SECISBP2: variants seen among roughly 807,000 people sequenced by gnomAD.
SECISBP2 encodes the protein SECIS binding protein 2.
A neutral mutation model predicts 98.2 loss-of-function variants in SECISBP2; 96 were observed. That is an observed-to-expected ratio of 0.98 (90% CI 0.83 to 1.16). SECISBP2 has a LOEUF of 1.16. Ranked by LOEUF, SECISBP2 falls within the 50% of genes most tolerant of loss-of-function variation. SECISBP2 has a pLI of 0.00. For missense variants in SECISBP2, 1,046 were observed against 1,022.9 expected (o/e 1.02, Z -0.31); for synonymous variants, 407 against 370.2 (o/e 1.10, Z -1.14).
At chr9:89,333,692 T>TA (rs1188670203) in intron 6 of SECISBP2, among the ~76,000 whole-genome samples, 2 of 152,206 alleles carry the variant, frequency 1.3e-5, no homozygotes, top group African/African-American at 4.8e-5. Context: ...TGCCACACTG[T>TA]AAGGACTGCT....
chr9:89,329,934 C>T (rs556800980), intron 5 of SECISBP2: 228 of 152,276 alleles, frequency 1.5e-3, no homozygotes, highest in African/African-American at 5.2e-3. Flanking sequence ...AATTGAAATA[C>T]ATTAAGTCCT....
intron 14 of SECISBP2, among the ~76,000 whole-genome samples, chr9:89,354,608 GT>G (rs1276743898): frequency 6.6e-6 from 1 of 152,206 alleles, no homozygotes; most frequent in Non-Finnish European, 1.5e-5. Context: ...AAACCACAGT[GT>G]TTGCACACCA....
rs752912689 is a variant in SECISBP2 at position 89,328,906 on chromosome 9, CTT to C, written c.801+24_801+25del. Reference sequence around the variant, plus strand: ...TCAAAGGTGAGGTGAGGGTTTCTCTCTTTTTCTTTTTCCTTTGTACACTTTAA... The same window carrying C: ...TCAAAGGTGAGGTGAGGGTTTCTCTCTTTCTTTTTCCTTTGTACACTTTAA... On this transcript the variant is annotated intron_variant, in intron 5 of 16. Transcript: ENST00000375807. 5 of 1,566,670 alleles carry C rather than the reference CTT, an allele frequency of 3.2e-6. No individual in the cohort carries two copies. The highest frequency in any genetic ancestry group is 3.4e-5 in the Admixed American group (2 of 59,106).
At chr9:89,334,428 T>G (rs1261490741) in intron 6 of SECISBP2, 94 bp from the exon 7 acceptor site, 1 of 1,018,570 alleles carries the variant, frequency 9.8e-7, no homozygotes, top group Admixed American at 1.8e-5. Flanking sequence ...AATGATGCTC[T>G]GAGCAGTTAC....
intron 16 of SECISBP2, 114 bp downstream of exon 16, chr9:89,358,305 G>A: frequency 9.2e-7 from 1 of 1,091,626 alleles, no homozygotes; most frequent in East Asian, 2.6e-5. Flanking sequence ...TGAGTAGCAG[G>A]GCCTGGTAAG....
At chr9:89,352,994 C>T in intron 14 of SECISBP2, among the ~76,000 whole-genome samples, 1 of 138,930 alleles carries the variant, frequency 7.2e-6, no homozygotes, top group East Asian at 1.9e-4. Context: ...CACAGATGTC[C>T]TCTGTGTCCT....
intron 14 of SECISBP2, among the ~76,000 whole-genome samples, chr9:89,353,148 A>G (rs1208671863): frequency 6.6e-6 from 1 of 152,190 alleles, no homozygotes; most frequent in East Asian, 1.9e-4. Context: ...GGCTGGGGAA[A>G]ACACAGATTC....
intron 5 of SECISBP2, among the ~76,000 whole-genome samples, chr9:89,331,444 T>G (rs1161689874): frequency 1.3e-5 from 2 of 152,262 alleles, no homozygotes; most frequent in African/African-American, 2.4e-5. Flanking sequence ...GACAAATGGA[T>G]AAATTTGTGA....
At chr9:89,337,532 T>G (rs961569601) in intron 7 of SECISBP2, among the ~76,000 whole-genome samples, 1 of 152,144 alleles carries the variant, frequency 6.6e-6, no homozygotes, top group Non-Finnish European at 1.5e-5. Flanking sequence ...TTTCTCTGTT[T>G]TTTTGTTTTG....
At position 89,339,870 on chromosome 9, in the gene SECISBP2, G is replaced by T; in HGVS notation, c.1219G>T (p.Glu407Ter). The change falls in exon 9 of 17, where the codon GAG becomes TAG. Residue 407 changes from glutamate to a stop codon, truncating the protein, a stop_gained. Coordinates refer to ENST00000375807, the MANE Select transcript of SECISBP2 (RefSeq NM_024077.5). LOFTEE classifies it high-confidence loss of function. The stretch of plus-strand genomic sequence containing the variant: ...GGGTGTGTGGTTTACTTAGGATGCC[G>T]AGGAATTTCCCAACCTGGCAGTTGC... ...VQEPPRIEDA[E>*]EFPNLAVASE... 8 of 1,613,016 alleles carry T rather than the reference G, an allele frequency of 5.0e-6. No individual in the cohort carries two copies. Among genetic ancestry groups the T allele is most frequent in the Non-Finnish European group, 6.8e-6 (8 of 1,179,142 alleles).
rs559383797 is a variant in SECISBP2 at position 89,355,147 on chromosome 9, A to G, written c.2114-2264A>G. On this transcript the variant is annotated intron_variant, in intron 14 of 16. Coordinates refer to ENST00000375807, the MANE Select transcript of SECISBP2 (RefSeq NM_024077.5). ...GAGTTCCCAGTTTCCACAGTATGGT[A>G]GGACGTGCATTGGAGAAGTTCTTCT... 1.3e-5 allele frequency: 13 copies of G among 985,462 alleles called. No homozygotes were observed. In the South Asian group the frequency reaches 6.1e-4, roughly 46 times the overall value. The allele number at this position is 985,462 out of a possible 1,614,324, so 61.0% of individuals were successfully genotyped here.
In SECISBP2 at chr9:89,357,442, T is replaced by G. The variant is rs1423268293; in HGVS notation, c.2145T>G (p.Ile715Met). 1.1e-5 allele frequency: 17 copies of G among 1,614,066 alleles called. No homozygotes were observed. The highest frequency in any genetic ancestry group is 1.4e-5 in the Non-Finnish European group (17 of 1,180,052). The change falls in exon 15 of 17, where the codon ATT (isoleucine) becomes ATG (methionine). Residue 715 changes from isoleucine to methionine, a missense_variant. Physicochemically the swap from Ile to Met is conservative, Grantham distance 10. Coordinates refer to ENST00000375807, the MANE Select transcript of SECISBP2 (RefSeq NM_024077.5). ...TGGATGACACTTTGCACACAATTAT[T>G]GATTATGCCTGTGAGCAGAACATTC... ...GGLDDTLHTI[I>M]DYACEQNIPF...
chr9:89,322,729 G>A (rs1312701140), intron 2 of SECISBP2: 1 of 152,220 alleles, frequency 6.6e-6, no homozygotes, highest in African/African-American at 2.4e-5. Context: ...TGGCTCGGTG[G>A]GTGGAGGAGA....
chr9:89,342,987 T>C (rs551429196), intron 10 of SECISBP2, among the ~76,000 whole-genome samples: 1 of 152,370 alleles, frequency 6.6e-6, no homozygotes, highest in South Asian at 2.1e-4. Flanking sequence ...ATTGATCTTA[T>C]TAAAAGATGA....
intron 3 of SECISBP2, 52 bp from the exon 4 acceptor site, chr9:89,325,845 C>G: frequency 3.7e-6 from 6 of 1,610,868 alleles, no homozygotes; most frequent in Middle Eastern, 1.8e-4. Flanking sequence ...TGCTTTAAAC[C>G]TTTTTTATAG....
intron 14 of SECISBP2, among the ~76,000 whole-genome samples, chr9:89,354,225 G>A (rs1831717466): frequency 1.3e-5 from 2 of 152,184 alleles, no homozygotes; most frequent in African/African-American, 4.8e-5. Flanking sequence ...TGCTTGTATT[G>A]GGTGTTCCCA....
intron 14 of SECISBP2, among the ~76,000 whole-genome samples, chr9:89,353,052 C>T (rs1250200345): frequency 6.6e-6 from 1 of 152,080 alleles, no homozygotes; most frequent in Non-Finnish European, 1.5e-5. Flanking sequence ...ACTGGAAATC[C>T]GGGTGTGTGG....
intron 5 of SECISBP2, among the ~76,000 whole-genome samples, chr9:89,331,331 T>G (rs1827720276): frequency 6.6e-6 from 1 of 152,244 alleles, no homozygotes; most frequent in South Asian, 2.1e-4. Flanking sequence ...GGTAAGCTAT[T>G]TCTAATTTTT....
Position 89,319,062 on chromosome 9 carries a change from G to A in SECISBP2, c.36+450G>A, listed in dbSNP as rs1399462108. 17 of 1,007,986 alleles carry A rather than the reference G, an allele frequency of 1.7e-5. No homozygotes were observed. In the South Asian group the frequency reaches 6.4e-4, roughly 38 times the overall value. The allele number at this position is 1,007,986 out of a possible 1,614,324, so 62.4% of individuals were successfully genotyped here. A position where few individuals can be genotyped will look rare whatever the true frequency, so the allele number is the denominator to read the frequency against. On this transcript the variant is annotated intron_variant, in intron 1 of 16. Coordinates refer to ENST00000375807, the MANE Select transcript of SECISBP2 (RefSeq NM_024077.5). ...CATTTTTAGACCCATAAAATTCTCG[G>A]TGAAAGTAAATCTCTTACTACGTCA...
Sources: allele counts gnomAD v4.1 joint callset (sites outside exome capture counted in the v4.1 genomes callset), GRCh38; gene constraint gnomAD v4.1.1; transcripts MANE v1.5; gene names NCBI Gene and HGNC (gene_info 2026-07-23, HGNC 2026-07-21).